ABCA13: variants seen among roughly 807,000 people sequenced by gnomAD.
The protein encoded by ABCA13 is ATP binding cassette subfamily A member 13, also known as ATP-binding cassette sub-family A member 13.
Under a neutral mutation model 478.7 loss-of-function variants are expected in ABCA13, and 476 were observed. The observed-to-expected ratio is 0.99, with a 90% CI of 0.92 to 1.07. The LOEUF (loss-of-function observed/expected upper bound fraction) is 1.07, where lower values mean the gene tolerates loss of function less well. Ranked by LOEUF, ABCA13 falls within the 50% of genes least tolerant of loss-of-function variation. The pLI, the probability that ABCA13 is intolerant of heterozygous loss-of-function variation, is 0.00. For missense variants in ABCA13, 6,060 were observed against 5,910.6 expected (o/e 1.03, Z -0.83); for synonymous variants, 2,252 against 2,158.9 (o/e 1.04, Z -1.20).
At position 48,352,173 on chromosome 7, in the gene ABCA13, G is replaced by GC; in HGVS notation, c.10382-6dup. The GC allele has an allele frequency of 6.3e-7, 1 of 1,595,266 alleles. No individual in the cohort carries two copies. The highest frequency in any genetic ancestry group is 8.6e-7 in the Non-Finnish European group (1 of 1,168,690). On this transcript the variant is annotated splice_region_variant and splice_polypyrimidine_tract_variant and intron_variant, in intron 30 of 61. Transcript: ENST00000435803. ...GGTAATGCTTCGTTTTTCCTTTTCT[G>GC]CCACTAGGTATCATTTTCAGCAATT...
rs201451852 is a variant in ABCA13, at chr7:48,307,013, T to C, written c.9322-2934T>C. Among the ~76,000 whole-genome samples the C allele has an allele frequency of 7.2e-5, 11 of 152,226 alleles. No individual in the cohort carries two copies. In the East Asian group the frequency reaches 1.5e-3, roughly 21 times the overall value. On this transcript the variant is annotated intron_variant, in intron 23 of 61. Transcript: ENST00000435803. ...CTCCAGGTAGTCCGCAGATGTGAGC[T>C]GCAATGTCAGCTCCTTCCTAGGTCC...
intron 45 of ABCA13, among the ~76,000 whole-genome samples, chr7:48,473,758 G>A (rs1478483468): frequency 6.6e-6 from 1 of 152,104 alleles, no homozygotes; most frequent in Non-Finnish European, 1.5e-5. Context: ...TGCCTCTCTG[G>A]GCCTGATTAT....
intron 3 of ABCA13, among the ~76,000 whole-genome samples, chr7:48,209,422 T>G (rs1213858157): frequency 6.6e-6 from 1 of 152,092 alleles, no homozygotes; most frequent in Admixed American, 6.6e-5. Flanking sequence ...ACCTTTTGGA[T>G]TAGTTTGAGT....
At chr7:48,626,053 A>G (rs1793633441) in intron 59 of ABCA13, among the ~76,000 whole-genome samples, 1 of 152,228 alleles carries the variant, frequency 6.6e-6, no homozygotes, top group Non-Finnish European at 1.5e-5. Flanking sequence ...GAGACTGGTG[A>G]ACGAAATGCT....
intron 47 of ABCA13, among the ~76,000 whole-genome samples, chr7:48,487,137 C>A (rs577672629): frequency 2.0e-5 from 3 of 151,892 alleles, no homozygotes; most frequent in African/African-American, 7.2e-5. Flanking sequence ...ATGGAGATAC[C>A]CCATCTCTAC....
At chr7:48,442,848 T>C (rs769227400) in intron 42 of ABCA13, among the ~76,000 whole-genome samples, 15 of 152,194 alleles carry the variant, frequency 9.9e-5, no homozygotes, top group Admixed American at 5.9e-4. Context: ...CTACTTACAA[T>C]CATAAGTTAT....
chr7:48,370,226 T>A (rs546488694), intron 32 of ABCA13, among the ~76,000 whole-genome samples: 4 of 152,196 alleles, frequency 2.6e-5, no homozygotes, highest in Non-Finnish European at 5.9e-5. Context: ...AGCTACTGAT[T>A]TGTGTACATG....
At chr7:48,516,987 T>A in intron 52 of ABCA13, 106 bp downstream of exon 52, 1 of 1,240,228 alleles carries the variant, frequency 8.1e-7, no homozygotes, top group Non-Finnish European at 1.1e-6. Context: ...TCAATGGAAA[T>A]GCATTGGTAT....
intron 15 of ABCA13, among the ~76,000 whole-genome samples, chr7:48,256,571 A>G (rs1793420961): frequency 6.6e-6 from 1 of 152,044 alleles, no homozygotes; most frequent in Admixed American, 6.5e-5. Context: ...CCCTATTGCT[A>G]GTTTTTGTCA....
chr7:48,411,274 T>C (rs375745576), intron 40 of ABCA13, among the ~76,000 whole-genome samples: 2 of 91,688 alleles, frequency 2.2e-5, no homozygotes, highest in Non-Finnish European at 2.3e-5. Context: ...CTTTCCTCCC[T>C]CCCTCCTCCT....
chr7:48,642,229 A>AGCAC, intron 59 of ABCA13, among the ~76,000 whole-genome samples: 1 of 152,188 alleles, frequency 6.6e-6, no homozygotes, highest in East Asian at 1.9e-4. Context: ...CACAAGGGTG[A>AGCAC]TCTATGTCAC....
chr7:48,512,732 A>G (rs1831798562), intron 51 of ABCA13, among the ~76,000 whole-genome samples: 1 of 147,000 alleles, frequency 6.8e-6, no homozygotes, highest in Admixed American at 6.9e-5. Context: ...AAACCCTTTA[A>G]GAATTTGAAT....
intron 58 of ABCA13, chr7:48,612,225 A>G (rs755704530): frequency 6.6e-6 from 1 of 152,218 alleles, no homozygotes. Context: ...CTGTATTTCA[A>G]CATGACCCAG....
chr7:48,463,325 A>G (rs898364539), intron 43 of ABCA13, among the ~76,000 whole-genome samples: 2 of 152,220 alleles, frequency 1.3e-5, no homozygotes, highest in Non-Finnish European at 2.9e-5. Flanking sequence ...TCTGTAGGGC[A>G]GCAGCTGGGC....
chr7:48,536,647 C>CAAAAAA (rs67382689), intron 55 of ABCA13, among the ~76,000 whole-genome samples: 1 of 131,420 alleles, frequency 7.6e-6, no homozygotes, highest in Non-Finnish European at 1.7e-5. Flanking sequence ...GACTCCATCT[C>CAAAAAA]AAAAAAAAAA....
intron 2 of ABCA13, 50 bp downstream of exon 2, chr7:48,193,102 A>G: frequency 7.6e-7 from 1 of 1,310,904 alleles, no homozygotes; most frequent in South Asian, 1.3e-5. Context: ...TGGAGAAAAA[A>G]AACTCATAGC....
chr7:48,525,013 TTAAAAA>T (rs1212155686), intron 54 of ABCA13, among the ~76,000 whole-genome samples: 4 of 152,202 alleles, frequency 2.6e-5, no homozygotes, highest in African/African-American at 9.6e-5. Flanking sequence ...CAATTAACTG[TTAAAAA>T]TAAAAGAGCA....
chr7:48,501,656 C>T (rs1214588267), intron 48 of ABCA13, among the ~76,000 whole-genome samples: 1 of 152,114 alleles, frequency 6.6e-6, no homozygotes, highest in Non-Finnish European at 1.5e-5. Context: ...AGACAGAGCT[C>T]ATGGAAGATT....
At chr7:48,328,358 C>T (rs142290291) in intron 27 of ABCA13, among the ~76,000 whole-genome samples, 6 of 152,228 alleles carry the variant, frequency 3.9e-5, no homozygotes, top group South Asian at 4.2e-4. Context: ...GCAAGTTGTC[C>T]GTGGTTTGGT....
Sources: gnomAD v4.1 joint callset for allele counts (sites outside exome capture counted in the v4.1 genomes callset) on GRCh38, gnomAD v4.1.1 for gene constraint, MANE v1.5 for transcripts, NCBI Gene and HGNC (gene_info 2026-07-23, HGNC 2026-07-21) for gene names.